Variants in DDX31 observed in about 807,000 individuals in gnomAD.
DDX31 encodes ATP-dependent DNA helicase DDX31.
In DDX31, 70 loss-of-function variants were observed where a neutral mutation model predicts 91.3. The observed-to-expected ratio is 0.77, with a 90% CI of 0.63 to 0.94. The LOEUF (loss-of-function observed/expected upper bound fraction) is 0.94. Among genes scored for constraint, DDX31 ranks in the 40% least tolerant of loss-of-function variants. DDX31 has a pLI of 0.00. For missense variants in DDX31, 902 were observed against 925.0 expected (o/e 0.98, Z 0.32); for synonymous variants, 362 against 350.6 (o/e 1.03, Z -0.36).
At chr9:132,614,666 TCTC>T (rs1333680857) in intron 18 of DDX31, among the ~76,000 whole-genome samples, 1 of 152,098 alleles carries the variant, frequency 6.6e-6, no homozygotes, top group African/African-American at 2.4e-5. Flanking sequence ...CCTCTCTTCC[TCTC>T]CTCCTCTCCA....
chr9:132,632,586 G>A (rs1348664168), intron 14 of DDX31, among the ~76,000 whole-genome samples: 3 of 151,986 alleles, frequency 2.0e-5, no homozygotes, highest in Admixed American at 6.6e-5. Context: ...CATGAGCAAC[G>A]CCTAACAAGC....
At chr9:132,652,145 G>A (rs1481317519) in intron 7 of DDX31, among the ~76,000 whole-genome samples, 1 of 152,110 alleles carries the variant, frequency 6.6e-6, no homozygotes, top group East Asian at 1.9e-4. Flanking sequence ...GAATAAAGTT[G>A]CTAAAAAATT....
intron 7 of DDX31, 144 bp from the exon 8 acceptor site, chr9:132,651,260 T>C (rs971805996): frequency 1.5e-6 from 1 of 668,984 alleles, no homozygotes; most frequent in African/African-American, 1.8e-5. Flanking sequence ...GAATCTAATA[T>C]ACCTTGTTCT....
chr9:132,632,195 C>T (rs1832774699), intron 14 of DDX31, 104 bp from the exon 15 acceptor site: 1 of 868,422 alleles, frequency 1.2e-6, no homozygotes, highest in Non-Finnish European at 1.7e-6. Flanking sequence ...TTCACCCGCC[C>T]ACAGTACATG....
intron 14 of DDX31, among the ~76,000 whole-genome samples, chr9:132,636,344 T>G (rs545876245): frequency 1.3e-5 from 2 of 152,364 alleles, no homozygotes; most frequent in African/African-American, 2.4e-5. Context: ...GAAACACTGA[T>G]GAGTTCTTAC....
intron 9 of DDX31, among the ~76,000 whole-genome samples, chr9:132,649,699 G>A (rs1359864236): frequency 6.6e-6 from 1 of 152,188 alleles, no homozygotes; most frequent in Non-Finnish European, 1.5e-5. Context: ...TCATTATTGA[G>A]TACTGATTAT....
At chr9:132,644,983 G>A (rs1833731329) in intron 13 of DDX31, among the ~76,000 whole-genome samples, 1 of 152,188 alleles carries the variant, frequency 6.6e-6, no homozygotes, top group Non-Finnish European at 1.5e-5. Context: ...AAAGCAAAGA[G>A]AGGCTGGACT....
At chr9:132,623,660 T>C (rs1429493718) in intron 17 of DDX31, among the ~76,000 whole-genome samples, 1 of 151,730 alleles carries the variant, frequency 6.6e-6, no homozygotes, top group Non-Finnish European at 1.5e-5. Context: ...TTAGCCACTC[T>C]GCTACACTGC....
Position 132,635,455 on chromosome 9 carries a change from C to CTTTTTTT in DDX31, c.1441-3371_1441-3365dup, listed in dbSNP as rs981082655. Among the ~76,000 whole-genome samples the CTTTTTTT allele has an allele frequency of 9.5e-5, 10 of 104,724 alleles. No homozygotes were observed. In the East Asian group the frequency reaches 1.1e-3, roughly 11 times the overall value. 68.7% of individuals were successfully genotyped at this position (104,724 alleles called of 152,430 possible). A position where few individuals can be genotyped will look rare whatever the true frequency, so the allele number is the denominator to read the frequency against. On this transcript the variant is annotated intron_variant, in intron 14 of 19. Coordinates refer to ENST00000372159, the MANE Select transcript of DDX31 (RefSeq NM_022779.9). ...TCACAAAGGATTCATATGTACATAG[C>CTTTTTTT]TTTTTTTTTTTTTTTTTTTTTTGAG...
chr9:132,634,586 T>TTA (rs1832988239), intron 14 of DDX31, among the ~76,000 whole-genome samples: 1 of 16,196 alleles, frequency 6.2e-5, no homozygotes, highest in East Asian at 1.5e-3. Context: ...ACCTAAGATG[T>TTA]TTTTTTTTTT....
intron 14 of DDX31, among the ~76,000 whole-genome samples, chr9:132,641,407 C>T (rs951075143): frequency 6.6e-5 from 10 of 152,330 alleles, no homozygotes; most frequent in East Asian, 3.9e-4. Flanking sequence ...GCAACAACTA[C>T]GGTAAAGTGA....
At position 132,645,972 on chromosome 9, in the gene DDX31, C is replaced by T. The variant is rs1230494744; in HGVS notation, c.1303G>A (p.Ala435Thr). The change falls in exon 13 of 20, where the codon GCG becomes ACG. Residue 435 changes from alanine (A) to threonine (T), a missense_variant. Transcript: ENST00000372159. ...FLQTLLSSSG[A>T]PASGQLPSAS... is the part of the protein sequence containing the mutation. ...GATGGCAACTGCCCTGATGCCGGCG[C>T]CCCTGAGCTGCTCAGCAGGGTCTGT... The T allele has an allele frequency of 1.2e-6, 2 of 1,614,070 alleles. No homozygotes were observed. The highest frequency in any genetic ancestry group is 2.2e-5 in the South Asian group (2 of 91,060).
At chr9:132,663,625 G>T in intron 1 of DDX31, 1 of 642,780 alleles carries the variant, frequency 1.6e-6, no homozygotes, top group South Asian at 6.9e-5. Context: ...TGGAGTTTTG[G>T]GTTCTCTCAG....
intron 17 of DDX31, among the ~76,000 whole-genome samples, chr9:132,622,865 TC>T: frequency 6.6e-6 from 1 of 152,228 alleles, no homozygotes; most frequent in East Asian, 1.9e-4. Context: ...GTGTGGTGGC[TC>T]ATGCTTGTAA....
intron 19 of DDX31, among the ~76,000 whole-genome samples, chr9:132,603,919 G>A (rs557311300): frequency 6.6e-6 from 1 of 152,270 alleles, no homozygotes; most frequent in South Asian, 2.1e-4. Context: ...GGGTGCGTTT[G>A]TTCCACGAGG....
chr9:132,658,788 A>G, intron 5 of DDX31, 53 bp from the exon 6 acceptor site: 1 of 1,536,230 alleles, frequency 6.5e-7, no homozygotes, highest in South Asian at 1.2e-5. Flanking sequence ...CAGATGTTTA[A>G]GAAAAGCAAA....
intron 17 of DDX31, among the ~76,000 whole-genome samples, chr9:132,621,776 A>G (rs1192907986): frequency 6.6e-6 from 1 of 152,230 alleles, no homozygotes; most frequent in Non-Finnish European, 1.5e-5. Context: ...ACTGACATGA[A>G]TCACACATAA....
chr9:132,632,270 A>ACACACACACACACACACACAGTCCTG (rs1564305893), intron 14 of DDX31, among the ~76,000 whole-genome samples, 179 bp from the exon 15 acceptor site: 12 of 145,650 alleles, frequency 8.2e-5, no homozygotes, highest in South Asian at 2.2e-4. Flanking sequence ...ACACACACAC[A>ACACACACACACACACACACAGTCCTG]CACACACACA....
intron 1 of DDX31, among the ~76,000 whole-genome samples, chr9:132,664,842 G>A (rs1234738737): frequency 6.6e-6 from 1 of 151,572 alleles, no homozygotes; most frequent in Non-Finnish European, 1.5e-5. Context: ...CCTAGAATGT[G>A]CTGTGCTCCT....
Sources: gnomAD v4.1 joint callset for allele counts (sites outside exome capture counted in the v4.1 genomes callset) on GRCh38, gnomAD v4.1.1 for gene constraint, MANE v1.5 for transcripts, NCBI Gene and HGNC (gene_info 2026-07-23, HGNC 2026-07-21) for gene names.